Variants in PRSS23 observed in about 807,000 individuals in gnomAD.
PRSS23 encodes serine protease 23.
A neutral mutation model predicts 34.7 loss-of-function variants in PRSS23; 25 were observed. The ratio of observed to expected loss-of-function variants is 0.72; its 90% CI spans 0.53 to 1.01. The LOEUF (loss-of-function observed/expected upper bound fraction) is 1.01, where lower values mean the gene tolerates loss of function less well. Among genes scored for constraint, PRSS23 ranks in the 50% least tolerant of loss-of-function variants. The probability of loss-of-function intolerance (pLI) is 0.00; values close to 1 mark genes in which losing one functional copy is unlikely to be tolerated. For synonymous variants in PRSS23, 176 were observed against 186.6 expected (o/e 0.94, Z 0.46); for missense variants, 445 against 475.6 (o/e 0.94, Z 0.60).
intron 2 of PRSS23, chr11:86,911,567 A>C (rs1948978098): frequency 6.6e-6 from 1 of 152,186 alleles, no homozygotes; most frequent in African/African-American, 2.4e-5. Context: ...AATTGAGAAC[A>C]TGCAGTATCG....
At chr11:86,945,051 C>T (rs1949231494) in intron 2 of PRSS23, among the ~76,000 whole-genome samples, 1 of 152,126 alleles carries the variant, frequency 6.6e-6, no homozygotes, top group Non-Finnish European at 1.5e-5. Flanking sequence ...ATAACAATAT[C>T]CTGATAGTAG....
At chr11:86,868,745 A>G (rs369044294) in intron 2 of PRSS23, among the ~76,000 whole-genome samples, 2 of 152,266 alleles carry the variant, frequency 1.3e-5, no homozygotes, top group Admixed American at 6.5e-5. Context: ...AGGGAAGCAA[A>G]GCACTTTGGA....
At chr11:86,857,257 CA>C in intron 2 of PRSS23, 1 of 590,810 alleles carries the variant, frequency 1.7e-6, no homozygotes, top group Non-Finnish European at 2.3e-6. Context: ...ATAAAATAAG[CA>C]AACAACTGCC....
upstream of PRSS23, among the ~76,000 whole-genome samples, chr11:86,797,372 C>T (rs72969407): frequency 0.085 from 12,871 of 152,258 alleles, 782 homozygotes; most frequent in Non-Finnish European, 0.12. Flanking sequence ...TTATGGCAAT[C>T]GTGATGACAA....
At chr11:86,946,077 T>C (rs1235284839) in intron 2 of PRSS23, 3 of 152,570 alleles carry the variant, frequency 2.0e-5, no homozygotes, top group Non-Finnish European at 4.4e-5. Context: ...CCATCATTTT[T>C]TGACCTTTTC....
upstream of PRSS23, chr11:86,800,457 C>A: frequency 1.0e-6 from 1 of 984,106 alleles, no homozygotes; most frequent in Non-Finnish European, 1.2e-6. Flanking sequence ...GCGCGGCTTC[C>A]CCGAGGCCGG....
chr11:86,888,266 T>C (rs1427057598), intron 2 of PRSS23, among the ~76,000 whole-genome samples: 1 of 152,190 alleles, frequency 6.6e-6, no homozygotes, highest in Admixed American at 6.5e-5. Flanking sequence ...AGGGGAATTT[T>C]AAAAGACTAG....
intron 2 of PRSS23, among the ~76,000 whole-genome samples, chr11:86,906,696 G>C (rs1948945320): frequency 1.3e-5 from 2 of 152,272 alleles, no homozygotes; most frequent in South Asian, 4.1e-4. Context: ...GGCACAATGA[G>C]GCCCAAACCC....
At chr11:86,871,275 A>C (rs1046345105) in intron 2 of PRSS23, among the ~76,000 whole-genome samples, 2 of 152,156 alleles carry the variant, frequency 1.3e-5, no homozygotes, top group African/African-American at 4.8e-5. Flanking sequence ...TCTCAGTTAA[A>C]TTCTCTGAGT....
At chr11:86,861,483 T>C (rs1335645315) in intron 2 of PRSS23, among the ~76,000 whole-genome samples, 2 of 151,760 alleles carry the variant, frequency 1.3e-5, no homozygotes, top group Admixed American at 6.6e-5. Context: ...TATGATATAA[T>C]TCCCTATATC....
intron 2 of PRSS23, among the ~76,000 whole-genome samples, chr11:86,836,077 C>T (rs568810610): frequency 1.6e-4 from 24 of 152,140 alleles, no homozygotes; most frequent in African/African-American, 2.6e-4. Flanking sequence ...ATCCTTAAGG[C>T]CCAGGACTGT....
chr11:86,900,295 A>G (rs945299629), intron 2 of PRSS23, among the ~76,000 whole-genome samples: 3 of 152,160 alleles, frequency 2.0e-5, no homozygotes, highest in African/African-American at 7.2e-5. Flanking sequence ...CAGGCGGGAC[A>G]TTTGGTACAG....
intron 1 of PRSS23, among the ~76,000 whole-genome samples, chr11:86,791,668 A>G (rs770597069): frequency 6.6e-6 from 1 of 152,216 alleles, no homozygotes; most frequent in East Asian, 1.9e-4. Context: ...AAAGTTAAAA[A>G]TAAGTCTTAA....
intron 1 of PRSS23, among the ~76,000 whole-genome samples, chr11:86,807,235 C>T (rs554679345): frequency 7.2e-5 from 11 of 152,030 alleles, no homozygotes; most frequent in African/African-American, 1.7e-4. Context: ...GAGGGAAAGG[C>T]GGGGACATCA....
At chr11:86,950,990 T>A (rs1949285351) in intron 2 of PRSS23, 3 of 790,766 alleles carry the variant, frequency 3.8e-6, no homozygotes, top group Non-Finnish European at 6.4e-6. Flanking sequence ...GATGCTGGGG[T>A]CGGGGTGGGA....
upstream of PRSS23, chr11:86,800,363 T>C (rs1464637263): frequency 1.2e-6 from 1 of 836,202 alleles, no homozygotes; most frequent in Non-Finnish European, 1.4e-6. Flanking sequence ...TCAGGCCCTC[T>C]GGGCTGCTCC....
At chr11:86,829,836 C>T (rs911749840) in intron 2 of PRSS23, among the ~76,000 whole-genome samples, 3 of 152,192 alleles carry the variant, frequency 2.0e-5, no homozygotes, top group Admixed American at 6.5e-5. Flanking sequence ...GCTGTCTGAT[C>T]GTTCCTCTGG....
intron 2 of PRSS23, among the ~76,000 whole-genome samples, chr11:86,928,268 A>G (rs1198495351): frequency 3.4e-5 from 5 of 148,042 alleles, no homozygotes; most frequent in Admixed American, 2.0e-4. Flanking sequence ...ACTTATACAT[A>G]TGTTTAATAC....
chr11:86,880,750 G>T (rs1227962550), intron 2 of PRSS23, among the ~76,000 whole-genome samples: 1 of 152,038 alleles, frequency 6.6e-6, no homozygotes, highest in African/African-American at 2.4e-5. Context: ...GCAGCATTTG[G>T]TTTTCTGTTC....
Sources: allele counts gnomAD v4.1 joint callset (sites outside exome capture counted in the v4.1 genomes callset), GRCh38; gene constraint gnomAD v4.1.1; transcripts MANE v1.5; gene names NCBI Gene and HGNC (gene_info 2026-07-23, HGNC 2026-07-21).